Variants in WASL observed in about 807,000 individuals in gnomAD.
The protein encoded by WASL is actin nucleation-promoting factor WASL.
A neutral mutation model predicts 55.5 loss-of-function variants in WASL; 20 were observed. The observed-to-expected ratio is 0.36, with a 90% confidence interval of 0.25 to 0.52. WASL has a LOEUF of 0.52. WASL is among the 20% of genes least tolerant of loss of function. WASL has a pLI of 0.92. For missense variants in WASL, 504 were observed against 622.5 expected, an observed-to-expected ratio of 0.81 and a Z score of 2.03; for synonymous variants, 249 against 217.6, an observed-to-expected ratio of 1.14 and a Z score of -1.27.
chr7:123,687,597 C>A (rs972975813), intron 10 of WASL, among the ~76,000 whole-genome samples: 1 of 152,026 alleles, frequency 6.6e-6, no homozygotes, highest in African/African-American at 2.4e-5. Flanking sequence ...TCAAAATGAA[C>A]CTCTCTCTCA....
intron 1 of WASL, among the ~76,000 whole-genome samples, chr7:123,733,231 A>G (rs1584872504): frequency 6.6e-6 from 1 of 152,218 alleles, no homozygotes; most frequent in Non-Finnish European, 1.5e-5. Context: ...TGCAGATGAC[A>G]TAATTACCAA....
At chr7:123,694,625 G>A in intron 8 of WASL, 90 bp downstream of exon 8, 1 of 1,338,238 alleles carries the variant, frequency 7.5e-7, no homozygotes, top group Non-Finnish European at 1.0e-6. Flanking sequence ...CTCAAGGAAG[G>A]GTTCACATGT....
chr7:123,695,916 T>A, intron 6 of WASL, 51 bp from the exon 7 acceptor site: 1 of 1,564,424 alleles, frequency 6.4e-7, no homozygotes, highest in Non-Finnish European at 8.8e-7. Context: ...ATAAAGGGCA[T>A]TATAAACACA....
chr7:123,746,438 G>C (rs902986087), intron 1 of WASL, among the ~76,000 whole-genome samples: 1 of 152,134 alleles, frequency 6.6e-6, no homozygotes, highest in Non-Finnish European at 1.5e-5. Context: ...TTTATTATGA[G>C]ACAATATATT....
chr7:123,710,684 A>G (rs1175978954), intron 1 of WASL, among the ~76,000 whole-genome samples: 1 of 152,184 alleles, frequency 6.6e-6, no homozygotes. Flanking sequence ...AGTAGGACAC[A>G]AAGGAACAGA....
At chr7:123,718,164 C>G (rs1478626340) in intron 1 of WASL, among the ~76,000 whole-genome samples, 1 of 152,086 alleles carries the variant, frequency 6.6e-6, no homozygotes, top group Admixed American at 6.5e-5. Flanking sequence ...AAGTTTATGG[C>G]ATTTTTTATT....
intron 1 of WASL, among the ~76,000 whole-genome samples, chr7:123,715,464 T>C (rs1054471484): frequency 1.7e-4 from 26 of 152,334 alleles, no homozygotes; most frequent in African/African-American, 5.8e-4. Context: ...AGTCATTAGG[T>C]GGTTTGTTTG....
In WASL at chr7:123,709,227, C is replaced by T. The variant is rs1803719076; in HGVS notation, c.118-4G>A. 3 of 1,597,876 alleles carry T rather than the reference C, an allele frequency of 1.9e-6. No individual in the cohort carries two copies. Among genetic ancestry groups the T allele is most frequent in the Admixed American group, 1.7e-5 (1 of 57,680 alleles). ...GCACCACTGCTGAAGACATAGTCTGCAAAATATAAAATTTATAACCATTAG... is the reference window on the plus strand; with the variant it reads ...GCACCACTGCTGAAGACATAGTCTGTAAAATATAAAATTTATAACCATTAG... On this transcript the variant is annotated splice_polypyrimidine_tract_variant and splice_region_variant and intron_variant, in intron 1 of 10. Coordinates refer to ENST00000223023, the MANE Select transcript of WASL (RefSeq NM_003941.4).
At chr7:123,745,022 A>G (rs905686875) in intron 1 of WASL, among the ~76,000 whole-genome samples, 7 of 152,206 alleles carry the variant, frequency 4.6e-5, no homozygotes, top group African/African-American at 7.2e-5. Flanking sequence ...TCCTCCATGA[A>G]GCCAATCACC....
chr7:123,726,774 G>C (rs1192779453), intron 1 of WASL, among the ~76,000 whole-genome samples: 1 of 152,150 alleles, frequency 6.6e-6, no homozygotes. Context: ...GTTGAAGCAA[G>C]AGAATCACTT....
At chr7:123,743,674 CT>C (rs1459240627) in intron 1 of WASL, among the ~76,000 whole-genome samples, 1 of 152,206 alleles carries the variant, frequency 6.6e-6, no homozygotes, top group Admixed American at 6.5e-5. Flanking sequence ...TAACAACTTT[CT>C]TTCATATGCT....
rs759255534 is a variant in WASL, at chr7:123,748,579, G to A, written c.117+39C>T. 42 of 1,597,296 alleles carry A rather than the reference G, an allele frequency of 2.6e-5. No homozygotes were observed. The Middle Eastern group carries it at 6.6e-4, about 25-fold the overall frequency. ...CGGCCCCCAAGCCCGGGCCCGTGAG[G>A]TAATGTCACGGGTGGCGACGCGGGT... On this transcript the variant is annotated intron_variant, in intron 1 of 10. Transcript: ENST00000223023.
intron 10 of WASL, among the ~76,000 whole-genome samples, chr7:123,685,116 C>T (rs375938395): frequency 6.6e-6 from 1 of 151,888 alleles, no homozygotes; most frequent in African/African-American, 2.4e-5. Flanking sequence ...ACTCTCCACA[C>T]CACCATCACA....
Position 123,692,859 on chromosome 7 carries a change from G to C in WASL, c.835C>G (p.Pro279Ala), listed in dbSNP as rs1254245636. The change falls in exon 9 of 11, where the codon CCT (proline) becomes GCT (alanine). Residue 279 changes from proline (P) to alanine (A), a missense_variant. Coordinates refer to ENST00000223023, the MANE Select transcript of WASL (RefSeq NM_003941.4). ...KNELRRQAPPPPPPSRGGPPP... is the reference protein window; with the variant it reads ...KNELRRQAPPAPPPSRGGPPP... ...GGCCCTCCCCTTGATGGTGGTGGAG[G>C]TGGTGGTGCTGAAATGCAAACAGAA... is the stretch of plus-strand genomic sequence containing the variant. 4 of 1,361,628 alleles carry C rather than the reference G, an allele frequency of 2.9e-6. No individual in the cohort carries two copies. Among genetic ancestry groups the C allele is most frequent in the Non-Finnish European group, 2.8e-6 (3 of 1,052,984 alleles). The allele number at this position is 1,361,628 out of a possible 1,614,324, so 84.3% of individuals were successfully genotyped here. A position where few individuals can be genotyped will look rare whatever the true frequency, so the allele number is the denominator to read the frequency against.
rs890954975 is a variant in WASL, at chr7:123,748,751, T to C, written c.-17A>G. On this transcript the variant is annotated 5_prime_UTR_variant, in exon 1 of 11. Transcript: ENST00000223023. ...GGAGCTCATGGTTTCGCCGGCGGGG[T>C]TGGGAGTCCAGGGCCGTCTCCTCCG... 7.1e-6 allele frequency: 11 copies of C among 1,553,316 alleles called. No homozygotes were observed. Among genetic ancestry groups the C allele is most frequent in the African/African-American group, 2.9e-5 (2 of 69,736 alleles).
chr7:123,682,487 C>T lies in WASL; in HGVS notation c.*2032G>A, dbSNP rs972074633. On this transcript the variant is annotated 3_prime_UTR_variant, in exon 11 of 11. Coordinates refer to ENST00000223023, the MANE Select transcript of WASL (RefSeq NM_003941.4). ...CATGTTTAAAATTGTGCTTTGAACT[C>T]GAAGAATGGGTACTCTCTGCTGAGA... 12 of 152,002 alleles carry T rather than the reference C, an allele frequency of 7.9e-5. No individual in the cohort carries two copies. The highest frequency in any genetic ancestry group is 2.9e-4 in the African/African-American group (12 of 41,382). The allele number at this position is 152,002 out of a possible 1,614,324, so 9.4% of individuals were successfully genotyped here. A position where few individuals can be genotyped will look rare whatever the true frequency, so the allele number is the denominator to read the frequency against.
intron 1 of WASL, among the ~76,000 whole-genome samples, chr7:123,731,982 TAACCAGCTTAACCAAGAA>T (rs1477785674): frequency 1.3e-5 from 2 of 152,092 alleles, no homozygotes; most frequent in Non-Finnish European, 2.9e-5. Flanking sequence ...GACAAGCTTC[TAACCAGCTTAACCAAGAA>T]AAAAAGAGAA....
At chr7:123,695,947 A>G in intron 6 of WASL, 82 bp from the exon 7 acceptor site, 1 of 1,398,458 alleles carries the variant, frequency 7.2e-7, no homozygotes, top group Non-Finnish European at 1.0e-6. Context: ...AACCCAATCT[A>G]CATTTGGCTT....
chr7:123,704,371 G>A (rs568960001), intron 5 of WASL, among the ~76,000 whole-genome samples: 20 of 152,224 alleles, frequency 1.3e-4, no homozygotes, highest in Admixed American at 8.5e-4. Flanking sequence ...TTCACCCTAT[G>A]TATTCTTTCT....
Sources: gnomAD v4.1 joint callset for allele counts (sites outside exome capture counted in the v4.1 genomes callset) on GRCh38, gnomAD v4.1.1 for gene constraint, MANE v1.5 for transcripts, NCBI Gene and HGNC (gene_info 2026-07-23, HGNC 2026-07-21) for gene names.